The following CELF5 variants were observed in gnomAD, a reference collection of about 807,000 sequenced individuals.
The protein encoded by CELF5 is CUG-BP and ETR-3 like factor 5.
In CELF5, 6 loss-of-function variants were observed where a neutral mutation model predicts 54.9. The ratio of observed to expected loss-of-function variants is 0.11; its 90% confidence interval spans 0.06 to 0.22. CELF5 has a LOEUF of 0.22. Among genes scored for constraint, CELF5 ranks in the 10% least tolerant of loss-of-function variants. CELF5 has a pLI of 1.00. For missense variants in CELF5, 401 were observed against 678.6 expected (o/e 0.59, Z 4.54); for synonymous variants, 271 against 290.9 (o/e 0.93, Z 0.70).
chr19:3,233,324 T>C (rs549158635), intron 1 of CELF5, among the ~76,000 whole-genome samples: 2 of 152,272 alleles, frequency 1.3e-5, no homozygotes, highest in South Asian at 2.1e-4. Flanking sequence ...AAGTCTGTAT[T>C]GTGTGCCAGC....
rs528932362 is a variant in CELF5 at position 3,228,619 on chromosome 19, G to C, written c.259+3621G>C. On this transcript the variant is annotated intron_variant, in intron 1 of 12. Coordinates refer to ENST00000292672, the MANE Select transcript of CELF5 (RefSeq NM_021938.4). The surrounding 1 kb of genome is among the most constrained non-coding windows in gnomAD (Gnocchi z 6.0). ...TGCGCTGGGGGACGGTGCAGGTGGG[G>C]GGGGGGCCCGGCGGGGGCCCGGGTG... Among the ~76,000 whole-genome samples, 2 of 152,034 alleles carry C rather than the reference G, an allele frequency of 1.3e-5. No homozygotes were observed. Among genetic ancestry groups the C allele is most frequent in the Admixed American group, 1.3e-4 (2 of 15,284 alleles).
intron 1 of CELF5, among the ~76,000 whole-genome samples, chr19:3,227,144 C>T (rs1433625724): frequency 6.6e-6 from 1 of 152,130 alleles, no homozygotes; most frequent in Non-Finnish European, 1.5e-5. Flanking sequence ...GAATCCCCAC[C>T]TGCGTGGGGC....
intron 2 of CELF5, among the ~76,000 whole-genome samples, chr19:3,253,828 G>T (rs895403885): frequency 7.9e-5 from 12 of 152,074 alleles, no homozygotes; most frequent in African/African-American, 2.4e-4. Flanking sequence ...GGAAGCTCTG[G>T]TCCTTCTGTC....
chr19:3,240,011 T>C (rs1168140673), intron 1 of CELF5, among the ~76,000 whole-genome samples: 2 of 68,392 alleles, frequency 2.9e-5, no homozygotes, highest in African/African-American at 5.7e-5. Flanking sequence ...GCAACACACT[T>C]TTTTTTTTTT....
chr19:3,285,121 T>C (rs962607913), intron 9 of CELF5, among the ~76,000 whole-genome samples, 157 bp downstream of exon 9: 1 of 139,174 alleles, frequency 7.2e-6, no homozygotes, highest in African/African-American at 2.7e-5. Context: ...CCCCTTGTCC[T>C]GTATTCAACC....
At chr19:3,286,075 C>T (rs761628274) in intron 10 of CELF5, 50 bp downstream of exon 10, 3 of 1,430,692 alleles carry the variant, frequency 2.1e-6, no homozygotes, top group Non-Finnish European at 2.8e-6. Context: ...CTCTGCCCGC[C>T]CTGTCCACCT....
At chr19:3,272,872 C>T (rs2079989213) in intron 2 of CELF5, among the ~76,000 whole-genome samples, 1 of 152,152 alleles carries the variant, frequency 6.6e-6, no homozygotes, top group Admixed American at 6.5e-5. Flanking sequence ...AATGCCTCCC[C>T]AACTCTCACA....
chr19:3,279,955 G>T (rs2080120019), intron 5 of CELF5, among the ~76,000 whole-genome samples: 1 of 152,054 alleles, frequency 6.6e-6, no homozygotes, highest in Non-Finnish European at 1.5e-5. Context: ...TGCCCACCTT[G>T]GCCTCCCAAA....
In CELF5 at chr19:3,293,502, G is replaced by A. The variant is rs2080385514; in HGVS notation, c.*40+16G>A. ...CATGGCCCAGGTGAGCCGCCAGGCGGCCCCACCCCCGCCCAAGCCCCCCGT... is the reference window on the plus strand; with the variant it reads ...CATGGCCCAGGTGAGCCGCCAGGCGACCCCACCCCCGCCCAAGCCCCCCGT... On this transcript the variant is annotated intron_variant, in intron 12 of 12. Coordinates refer to ENST00000292672, the MANE Select transcript of CELF5 (RefSeq NM_021938.4). The A allele has an allele frequency of 1.3e-6, 2 of 1,591,042 alleles. No individual in the cohort carries two copies. The highest frequency in any genetic ancestry group is 8.6e-7 in the Non-Finnish European group (1 of 1,166,690).
intron 1 of CELF5, among the ~76,000 whole-genome samples, chr19:3,236,935 G>A (rs1917630681): frequency 6.6e-6 from 1 of 150,658 alleles, no homozygotes; most frequent in Non-Finnish European, 1.5e-5. Flanking sequence ...ATTGCAGTGA[G>A]CTGAGATCGC....
intron 1 of CELF5, among the ~76,000 whole-genome samples, chr19:3,241,900 G>A (rs73517159): frequency 0.016 from 2,477 of 152,140 alleles, 64 homozygotes; most frequent in African/African-American, 0.057. Flanking sequence ...TCAACCTCCC[G>A]TGTAGCTGGG....
chr19:3,286,343 G>T, intron 10 of CELF5: 1 of 355,940 alleles, frequency 2.8e-6, no homozygotes. Context: ...CTGGGGCATG[G>T]CACGATGAGG....
intron 2 of CELF5, among the ~76,000 whole-genome samples, chr19:3,256,460 G>C (rs1046015423): frequency 6.6e-6 from 1 of 152,070 alleles, no homozygotes; most frequent in Non-Finnish European, 1.5e-5. Context: ...CAGAAAATAA[G>C]CAAGCCAGTG....
In CELF5 at chr19:3,224,844, G is replaced by A; in HGVS notation, c.105G>A (p.Gln35=). 1 of 1,595,838 alleles carries A rather than the reference G, an allele frequency of 6.3e-7. No individual in the cohort carries two copies. The highest frequency in any genetic ancestry group is 8.5e-7 in the Non-Finnish European group (1 of 1,172,348). The change falls in exon 1 of 13, where the codon CAG becomes CAA. Residue 35 remains glutamine (Q), a synonymous_variant. Coordinates refer to ENST00000292672, the MANE Select transcript of CELF5 (RefSeq NM_021938.4). ...GSSGPEPPGG[Q]PDGMKDLDAI... is the part of the protein sequence containing the mutation. ...GCGGGCCCGAGCCCCCCGGGGGGCA[G>A]CCCGACGGCATGAAGGACCTGGACG...
At chr19:3,225,829 A>T (rs1408724058) in intron 1 of CELF5, among the ~76,000 whole-genome samples, 1 of 151,614 alleles carries the variant, frequency 6.6e-6, no homozygotes, top group Non-Finnish European at 1.5e-5. Flanking sequence ...CCTCTTAGCA[A>T]TGTGTTGGGG....
rs558199706 is a variant in CELF5, at chr19:3,260,617, G to T, written c.342+9550G>T. On this transcript the variant is annotated intron_variant, in intron 2 of 12. Coordinates refer to ENST00000292672, the MANE Select transcript of CELF5 (RefSeq NM_021938.4). Reference sequence around the variant, plus strand: ...CCACAGGTGTGTGCCACCACACCTGGCTAATTTTTTTTTTTTTTTTTTTGA... The same window carrying T: ...CCACAGGTGTGTGCCACCACACCTGTCTAATTTTTTTTTTTTTTTTTTTGA... Among the ~76,000 whole-genome samples, 9 of 141,860 alleles carry T rather than the reference G, an allele frequency of 6.3e-5. 1 individual carries two copies. In the South Asian group the frequency reaches 2.1e-3, roughly 33 times the overall value. 93.1% of individuals were successfully genotyped at this position (141,860 alleles called of 152,430 possible).
rs745744488 is a variant in CELF5 at position 3,277,993 on chromosome 19, C to G, written c.524-38C>G. 7 of 1,566,360 alleles carry G rather than the reference C, an allele frequency of 4.5e-6. No individual in the cohort carries two copies. In the South Asian group the frequency reaches 7.8e-5, roughly 17 times the overall value. On this transcript the variant is annotated intron_variant, in intron 4 of 12. Coordinates refer to ENST00000292672, the MANE Select transcript of CELF5 (RefSeq NM_021938.4). ...GCCCCCGCTCAGCCAGTCCTGTGACCCCATCACCCTCTACCTCTTCTTCTT... is the reference window on the plus strand; with the variant it reads ...GCCCCCGCTCAGCCAGTCCTGTGACGCCATCACCCTCTACCTCTTCTTCTT...
intron 4 of CELF5, 148 bp from the exon 5 acceptor site, chr19:3,277,883 G>A (rs959907734): frequency 4.7e-6 from 3 of 637,464 alleles, no homozygotes; most frequent in African/African-American, 3.6e-5. Flanking sequence ...CTGAGCAAAC[G>A]GCTGGCTGTC....
chr19:3,247,179 TG>T (rs1457606261), intron 1 of CELF5, among the ~76,000 whole-genome samples: 2 of 152,110 alleles, frequency 1.3e-5, no homozygotes, highest in African/African-American at 4.8e-5. Context: ...CAGGCTGGAG[TG>T]CAGTGGCACA....
Sources: gnomAD v4.1 joint callset for allele counts (sites outside exome capture counted in the v4.1 genomes callset) on GRCh38, gnomAD v4.1.1 for gene constraint, Gnocchi (gnomAD v3.1) non-coding constraint, MANE v1.5 for transcripts, NCBI Gene and HGNC (gene_info 2026-07-23, HGNC 2026-07-21) for gene names.